Variants in MYO9A observed in about 807,000 individuals in gnomAD.
The protein encoded by MYO9A is unconventional myosin-IXa.
A neutral mutation model predicts 293.3 loss-of-function variants in MYO9A; 103 were observed. That is an observed-to-expected ratio of 0.35 (90% CI 0.30 to 0.41). MYO9A has a LOEUF of 0.41. Among genes scored for constraint, MYO9A ranks in the 10% least tolerant of loss-of-function variants. The pLI, the probability that MYO9A is intolerant of heterozygous loss-of-function variation, is 1.00. For missense variants in MYO9A, 2,685 were observed against 3,033.0 expected, an observed-to-expected ratio of 0.89 and a Z score of 2.69; for synonymous variants, 1,001 against 1,035.7, an observed-to-expected ratio of 0.97 and a Z score of 0.64.
rs888608869 is a variant in MYO9A at position 71,935,592 on chromosome 15, T to C, written c.2379-108A>G. ...ACTAAAGTTAAAATTTAGAAAAAAA[T>C]GCTAAACCAACCAAAAACTGATTTC... On this transcript the variant is annotated intron_variant, in intron 16 of 41. Coordinates refer to ENST00000356056, the MANE Select transcript of MYO9A (RefSeq NM_006901.4). The C allele has an allele frequency of 2.2e-5, 26 of 1,165,654 alleles. No individual in the cohort carries two copies. In the South Asian group the frequency reaches 4.2e-4, roughly 19 times the overall value. The allele number at this position is 1,165,654 out of a possible 1,614,324, so 72.2% of individuals were successfully genotyped here. A position where few individuals can be genotyped will look rare whatever the true frequency, so the allele number is the denominator to read the frequency against.
At chr15:71,862,224 G>A (rs765504876) in intron 33 of MYO9A, among the ~76,000 whole-genome samples, 1 of 152,158 alleles carries the variant, frequency 6.6e-6, no homozygotes, top group African/African-American at 2.4e-5. Context: ...AGATGTGAGT[G>A]TAGGCATGAA....
intron 1 of MYO9A, among the ~76,000 whole-genome samples, chr15:72,089,608 C>T (rs565030043): frequency 1.1e-4 from 17 of 152,092 alleles, no homozygotes; most frequent in Middle Eastern, 3.4e-3. Context: ...AGTGAGACTT[C>T]GTCTCTACAA....
At chr15:72,105,111 T>TCAA (rs1019856362) in intron 1 of MYO9A, among the ~76,000 whole-genome samples, 3 of 152,152 alleles carry the variant, frequency 2.0e-5, no homozygotes, top group Admixed American at 6.5e-5. Flanking sequence ...TAAAATTATC[T>TCAA]CAACAACAAC....
chr15:71,943,316 T>C (rs1255133356), intron 15 of MYO9A, among the ~76,000 whole-genome samples: 1 of 152,046 alleles, frequency 6.6e-6, no homozygotes, highest in African/African-American at 2.4e-5. Flanking sequence ...AAAGATTATG[T>C]TAATTCAAGA....
intron 14 of MYO9A, among the ~76,000 whole-genome samples, chr15:71,954,980 A>G (rs939115360): frequency 2.0e-5 from 3 of 152,214 alleles, no homozygotes; most frequent in African/African-American, 7.2e-5. Context: ...ATGAATTTAA[A>G]CAAACGTTTA....
At chr15:72,101,833 C>G (rs1353595035) in intron 1 of MYO9A, among the ~76,000 whole-genome samples, 4 of 148,030 alleles carry the variant, frequency 2.7e-5, no homozygotes, top group Admixed American at 1.4e-4. Context: ...GTCAGCCCCC[C>G]GCCCGGCCAG....
intron 18 of MYO9A, among the ~76,000 whole-genome samples, chr15:71,923,443 A>T (rs1386713552): frequency 6.6e-6 from 1 of 152,202 alleles, no homozygotes; most frequent in East Asian, 1.9e-4. Flanking sequence ...ACTGAGACTC[A>T]TTCTTCTTCA....
In MYO9A at chr15:71,968,107, A is replaced by G; in HGVS notation, c.1863T>C (p.Asn621=). The part of the protein sequence containing the change: ...DEESNFPQAT[N]QTLLDKFKHQ... ...GCTTAAACTTGTCTAGCAATGTTTG[A>G]TTTGTAGCCTGTGGAAAGCTGAATT... The change falls in exon 13 of 42, where the codon AAT becomes AAC. Residue 621 remains asparagine (N), a synonymous_variant. Transcript: ENST00000356056. The G allele has an allele frequency of 6.3e-7, 1 of 1,584,210 alleles. No individual in the cohort carries two copies. Among genetic ancestry groups the G allele is most frequent in the Non-Finnish European group, 8.6e-7 (1 of 1,167,564 alleles).
In MYO9A at chr15:71,935,323, T is replaced by C; in HGVS notation, c.2522+18A>G. 6.4e-7 allele frequency: 1 copy of C among 1,563,910 alleles called. No individual in the cohort carries two copies. The highest frequency in any genetic ancestry group is 8.7e-7 in the Non-Finnish European group (1 of 1,154,144). On this transcript the variant is annotated intron_variant, in intron 17 of 41. Coordinates refer to ENST00000356056, the MANE Select transcript of MYO9A (RefSeq NM_006901.4). ...AACAAAAAACAAAAAACAATTTACA[T>C]TACTGATTAGTACTGACGTGAGAAT...
At chr15:71,972,610 C>T (rs181899188) in intron 12 of MYO9A, among the ~76,000 whole-genome samples, 3 of 152,246 alleles carry the variant, frequency 2.0e-5, no homozygotes, top group Middle Eastern at 3.4e-3. Context: ...ACCCCACAAA[C>T]GTTTGGTCAC....
intron 32 of MYO9A, among the ~76,000 whole-genome samples, chr15:71,864,896 A>G (rs1215445228): frequency 6.6e-6 from 1 of 152,188 alleles, no homozygotes; most frequent in Non-Finnish European, 1.5e-5. Context: ...TGGGAAAACT[A>G]TGTGAATTTA....
chr15:71,904,669 C>T (rs1328719181), intron 20 of MYO9A, among the ~76,000 whole-genome samples: 1 of 152,020 alleles, frequency 6.6e-6, no homozygotes, highest in African/African-American at 2.4e-5. Flanking sequence ...AAAACAAAAA[C>T]AAAAAAGAAA....
chr15:71,893,651 GA>G, intron 26 of MYO9A, 27 bp downstream of exon 26: 1 of 1,533,458 alleles, frequency 6.5e-7, no homozygotes, highest in East Asian at 2.3e-5. Context: ...TTGTATAGAA[GA>G]TAGATAAACA....
chr15:72,098,476 T>C (rs375115116), intron 1 of MYO9A, among the ~76,000 whole-genome samples: 12 of 152,090 alleles, frequency 7.9e-5, no homozygotes, highest in African/African-American at 2.2e-4. Context: ...TCCTAAATAA[T>C]ATATGTGACC....
chr15:71,915,170 TA>T (rs1264512169), intron 19 of MYO9A, among the ~76,000 whole-genome samples: 1 of 152,122 alleles, frequency 6.6e-6, no homozygotes, highest in Non-Finnish European at 1.5e-5. Context: ...TTTTTTTCTA[TA>T]ACCCATTAAT....
chr15:71,993,790 T>G (rs2076611581), intron 10 of MYO9A: 1 of 152,142 alleles, frequency 6.6e-6, no homozygotes, highest in African/African-American at 2.4e-5. Flanking sequence ...GCCAACACGG[T>G]GAGACCCTGT....
At chr15:71,979,994 T>C (rs1455104950) in intron 11 of MYO9A, among the ~76,000 whole-genome samples, 1 of 152,108 alleles carries the variant, frequency 6.6e-6, no homozygotes, top group Admixed American at 6.6e-5. Context: ...CTGTATACAA[T>C]AACTTGTTCA....
chr15:72,002,246 A>ATTTT (rs34970982), intron 8 of MYO9A, among the ~76,000 whole-genome samples: 1 of 140,144 alleles, frequency 7.1e-6, no homozygotes, highest in East Asian at 2.1e-4. Flanking sequence ...TGACCAGCTA[A>ATTTT]TTTTTTTTTT....
intron 27 of MYO9A, 148 bp downstream of exon 27, chr15:71,887,856 C>G (rs566947690): frequency 2.1e-6 from 1 of 475,512 alleles, no homozygotes; most frequent in Admixed American, 4.0e-5. Flanking sequence ...ACAGTAGGTA[C>G]TTACCATTTC....
Sources: gnomAD v4.1 joint callset for allele counts (sites outside exome capture counted in the v4.1 genomes callset) on GRCh38, gnomAD v4.1.1 for gene constraint, MANE v1.5 for transcripts, NCBI Gene and HGNC (gene_info 2026-07-23, HGNC 2026-07-21) for gene names.